The following CR1 variants were observed in gnomAD, a reference collection of about 807,000 sequenced individuals.
CR1 encodes complement C3b/C4b receptor 1 (Knops blood group).
Under a neutral mutation model 187.3 loss-of-function variants are expected in CR1, and 116 were observed. That is an observed-to-expected ratio of 0.62 (90% CI 0.53 to 0.72). CR1 has a LOEUF of 0.72. Ranked by LOEUF, CR1 falls within the 30% of genes least tolerant of loss-of-function variation. CR1 has a pLI of 0.00. For synonymous variants in CR1, 576 were observed against 747.1 expected, an observed-to-expected ratio of 0.77 and a Z score of 3.73; for missense variants, 1,731 against 2,110.7, an observed-to-expected ratio of 0.82 and a Z score of 3.52.
In CR1 at chr1:207,608,373, A is replaced by G. The variant is rs1661812004; in HGVS notation, c.5897-917A>G. Among the ~76,000 whole-genome samples the G allele has an allele frequency of 2.6e-5, 4 of 152,218 alleles. 1 individual carries two copies. The South Asian group carries it at 8.3e-4, about 32-fold the overall frequency. ...AAAATATATCCATCCATACATATGC[A>G]TGTATCCACATATGTATCTAAGAGG... On this transcript the variant is annotated intron_variant, in intron 36 of 46. Coordinates refer to ENST00000367049, the MANE Select transcript of CR1 (RefSeq NM_000651.6).
chr1:207,497,582 C>A (rs966522183), intron 1 of CR1, among the ~76,000 whole-genome samples: 1 of 152,092 alleles, frequency 6.6e-6, no homozygotes, highest in Admixed American at 6.5e-5. Context: ...CCTTAGGCAC[C>A]AGAAAGTAAC....
rs1396738758 is a variant in CR1, at chr1:207,616,660, A to G, written c.6747A>G (p.Ile2249Met). ...PFGDIPYGKE[I>M]SYACDTHPDR... is the part of the protein sequence containing the mutation. ...GAGATATTCCCTATGGAAAAGAAATATCTTACGCATGCGACACCCACCCAG... is the reference window on the plus strand; with the variant it reads ...GAGATATTCCCTATGGAAAAGAAATGTCTTACGCATGCGACACCCACCCAG... Residue 2249 changes from isoleucine (I) to methionine (M), a missense_variant, in exon 41 of 47, where the codon ATA becomes ATG. Transcript: ENST00000367049. 11 of 1,613,782 alleles carry G rather than the reference A, an allele frequency of 6.8e-6. No individual in the cohort carries two copies. The highest frequency in any genetic ancestry group is 8.5e-6 in the Non-Finnish European group (10 of 1,179,840).
At chr1:207,635,539 G>A (rs1662786312) in intron 46 of CR1, among the ~76,000 whole-genome samples, 1 of 152,108 alleles carries the variant, frequency 6.6e-6, no homozygotes, top group Admixed American at 6.5e-5. Context: ...TATACAATCG[G>A]GTTTTACACC....
In CR1 at chr1:207,620,082, G is replaced by A. The variant is rs1267839401; in HGVS notation, c.7252+17G>A. On this transcript the variant is annotated intron_variant, in intron 43 of 46. Coordinates refer to ENST00000367049, the MANE Select transcript of CR1 (RefSeq NM_000651.6). ...GTACCTCTCGTAAGTGCAAGTGCAAGGAATGTGGGATCTTCCCGGTCATGG... is the reference window on the plus strand; with the variant it reads ...GTACCTCTCGTAAGTGCAAGTGCAAAGAATGTGGGATCTTCCCGGTCATGG... The A allele has an allele frequency of 6.3e-7, 1 of 1,598,952 alleles. No individual in the cohort carries two copies. The highest frequency in any genetic ancestry group is 8.5e-7 in the Non-Finnish European group (1 of 1,174,944).
At chr1:207,596,085 A>G (rs1661433163) in intron 35 of CR1, among the ~76,000 whole-genome samples, 1 of 148,826 alleles carries the variant, frequency 6.7e-6, no homozygotes, top group African/African-American at 2.4e-5. Context: ...CTATATATAT[A>G]TATATAATCA....
At chr1:207,613,201 C>T (rs1661989808) in intron 39 of CR1, among the ~76,000 whole-genome samples, 1 of 152,146 alleles carries the variant, frequency 6.6e-6, no homozygotes, top group South Asian at 2.1e-4. Context: ...AGTGACAAAA[C>T]AGCTTCTCAG....
rs745813042 is a variant in CR1, at chr1:207,575,721, T to C, written c.4537+41T>C. ...TTTCCCCATTCACCCCACCATTGAA[T>C]CCTAGAGTTGTCCTCCTAGAATTAC... On this transcript the variant is annotated intron_variant, in intron 28 of 46. Coordinates refer to ENST00000367049, the MANE Select transcript of CR1 (RefSeq NM_000651.6). 3.1e-6 allele frequency: 5 copies of C among 1,611,470 alleles called. No homozygotes were observed. In the Admixed American group the frequency reaches 5.0e-5, roughly 16 times the overall value.
chr1:207,615,351 CAT>C (rs1662061571), intron 40 of CR1, among the ~76,000 whole-genome samples: 1 of 151,952 alleles, frequency 6.6e-6, no homozygotes, highest in South Asian at 2.1e-4. Flanking sequence ...AAAATTATAA[CAT>C]ATAAAATGGT....
At chr1:207,619,519 T>C (rs1662251851) in intron 42 of CR1, among the ~76,000 whole-genome samples, 1 of 152,224 alleles carries the variant, frequency 6.6e-6, no homozygotes, top group Admixed American at 6.5e-5. Context: ...CAGTATTTGT[T>C]GTGAAGCCAG....
intron 19 of CR1, among the ~76,000 whole-genome samples, chr1:207,556,648 C>CAT (rs1404002868): frequency 0.2 from 7,475 of 38,006 alleles, 1,056 homozygotes; most frequent in East Asian, 0.32. Context: ...TGATCTATAT[C>CAT]ATATATATAT....
intron 27 of CR1, among the ~76,000 whole-genome samples, chr1:207,573,319 T>C (rs1452980680): frequency 6.6e-6 from 1 of 152,202 alleles, no homozygotes; most frequent in Non-Finnish European, 1.5e-5. Flanking sequence ...CTTGCCAGCA[T>C]AGGCCTCACA....
chr1:207,599,262 A>G (rs774323046), intron 35 of CR1, among the ~76,000 whole-genome samples: 10 of 152,220 alleles, frequency 6.6e-5, no homozygotes, highest in Non-Finnish European at 5.9e-5. Flanking sequence ...AAAAAAGCTC[A>G]ACTTCACTAT....
At chr1:207,572,911 G>C (rs534253630) in intron 27 of CR1, among the ~76,000 whole-genome samples, 148 of 151,240 alleles carry the variant, frequency 9.8e-4, no homozygotes, top group Non-Finnish European at 1.7e-3. Flanking sequence ...CTCATATGCT[G>C]TTCTCTCTGT....
rs1173297851 is a variant in CR1 at position 207,506,673 on chromosome 1, T to C, written c.302-41T>C. ...CTTATGTACTAAAAAAAGTTTTTAGTTTACTCTACTTGGCTCCAAAATTCT... is the reference window on the plus strand; with the variant it reads ...CTTATGTACTAAAAAAAGTTTTTAGCTTACTCTACTTGGCTCCAAAATTCT... On this transcript the variant is annotated intron_variant, in intron 2 of 46. Coordinates refer to ENST00000367049, the MANE Select transcript of CR1 (RefSeq NM_000651.6). 7.0e-6 allele frequency: 11 copies of C among 1,580,676 alleles called. No individual in the cohort carries two copies. The Admixed American group carries it at 1.7e-4, about 24-fold the overall frequency.
At position 207,580,693 on chromosome 1, in the gene CR1, G is replaced by T. The variant is rs1660909905; in HGVS notation, c.5216+80G>T. On this transcript the variant is annotated intron_variant, in intron 31 of 46. Transcript: ENST00000367049. ...AGCTTAAGGATCAATCCAAAAAGAG[G>T]GCTGACCTAGGAGAAGAAGAATCCA... The T allele has an allele frequency of 5.5e-6, 7 of 1,270,072 alleles. No homozygotes were observed. The South Asian group carries it at 9.3e-5, about 17-fold the overall frequency. 78.7% of individuals were successfully genotyped at this position (1,270,072 alleles called of 1,614,324 possible). A position where few individuals can be genotyped will look rare whatever the true frequency, so the allele number is the denominator to read the frequency against.
At chr1:207,626,728 C>T (rs1662490691) in intron 45 of CR1, among the ~76,000 whole-genome samples, 1 of 152,204 alleles carries the variant, frequency 6.6e-6, no homozygotes, top group African/African-American at 2.4e-5. Context: ...CATAAGCAGT[C>T]TGAAGACTTA....
chr1:207,600,920 T>TA (rs1294235380), intron 35 of CR1: 1 of 152,162 alleles, frequency 6.6e-6, no homozygotes, highest in Non-Finnish European at 1.5e-5. Flanking sequence ...ATATTACTCA[T>TA]AAAAATTTCT....
At chr1:207,513,146 G>A (rs992466305) in intron 4 of CR1, among the ~76,000 whole-genome samples, 6 of 152,270 alleles carry the variant, frequency 3.9e-5, no homozygotes, top group Admixed American at 3.3e-4. Context: ...CACTTTAGTC[G>A]GCTATCCGTC....
In CR1 at chr1:207,523,628, C is replaced by T. The variant is rs1201736464; in HGVS notation, c.505C>T (p.Pro169Ser). The change falls in exon 5 of 47, where the codon CCC becomes TCC. Residue 169 changes from proline to serine, a missense_variant. Physicochemically the swap from Pro to Ser is moderately conservative, Grantham distance 74. This residue lies in a region of CR1 where 237 missense variants were observed against 240.4 expected (regional missense o/e 0.99). Transcript: ENST00000367049. ...TTTTCCAGGAATTCCTTGTGGGCTA[C>T]CCCCCACCATCACCAATGGAGATTT... ...PICDRIPCGL[P>S]PTITNGDFIS... 2 of 1,613,932 alleles carry T rather than the reference C, an allele frequency of 1.2e-6. No homozygotes were observed. Among genetic ancestry groups the T allele is most frequent in the East Asian group, 2.2e-5 (1 of 44,876 alleles).
Sources: gnomAD v4.1 joint callset for allele counts (sites outside exome capture counted in the v4.1 genomes callset) on GRCh38, gnomAD v4.1.1 for gene constraint, gnomAD v4.1.1 regional missense constraint, MANE v1.5 for transcripts, NCBI Gene and HGNC (gene_info 2026-07-23, HGNC 2026-07-21) for gene names.